Variants in PRKAG2 observed in about 807,000 individuals in gnomAD.
PRKAG2 encodes the protein 5'-AMP-activated protein kinase subunit gamma-2.
In PRKAG2, 26 loss-of-function variants were observed where a neutral mutation model predicts 69.6. The observed-to-expected ratio is 0.37, with a 90% CI of 0.27 to 0.52. The LOEUF (loss-of-function observed/expected upper bound fraction) is 0.52, where lower values mean the gene tolerates loss of function less well. Among genes scored for constraint, PRKAG2 ranks in the 20% least tolerant of loss-of-function variants. The probability of loss-of-function intolerance (pLI) is 0.90; values close to 1 mark genes in which losing one functional copy is unlikely to be tolerated. For missense variants in PRKAG2, 557 were observed against 740.0 expected (o/e 0.75, Z 2.87); for synonymous variants, 293 against 285.0 (o/e 1.03, Z -0.28).
intron 5 of PRKAG2, among the ~76,000 whole-genome samples, chr7:151,625,453 C>T (rs1047181361): frequency 1.3e-5 from 2 of 152,072 alleles, no homozygotes; most frequent in African/African-American, 4.8e-5. Flanking sequence ...GTGCGGACTC[C>T]TACAGGCAAA....
chr7:151,828,032 G>A lies in PRKAG2; in HGVS notation c.115-41491C>T, dbSNP rs2078947770. Among the ~76,000 whole-genome samples the A allele has an allele frequency of 6.6e-6, 1 of 152,216 alleles. No homozygotes were observed. The highest frequency in any genetic ancestry group is 1.9e-4 in the East Asian group (1 of 5,196). On this transcript the variant is annotated intron_variant, in intron 1 of 15. Transcript: ENST00000287878. This position sits in a 1 kb window ranked among gnomAD's most constrained non-coding sequence, Gnocchi z 4.6. ...ATTCAGGTCAACATGAGCCTGGGGT[G>A]TGATCTCACCTTGGAACAAAGGAGG...
intron 3 of PRKAG2, among the ~76,000 whole-genome samples, chr7:151,759,290 A>G (rs946720777): frequency 6.6e-6 from 1 of 152,112 alleles, no homozygotes; most frequent in Non-Finnish European, 1.5e-5. Context: ...AAATGTCTCC[A>G]TGTCAGAGGC....
At chr7:151,859,246 G>A (rs1026232531) in intron 1 of PRKAG2, among the ~76,000 whole-genome samples, 1 of 152,252 alleles carries the variant, frequency 6.6e-6, no homozygotes, top group Non-Finnish European at 1.5e-5. Flanking sequence ...ACACTCCGCG[G>A]GGAACGGCGT....
At chr7:151,563,090 G>A (rs1652030512) in intron 14 of PRKAG2, among the ~76,000 whole-genome samples, 1 of 152,122 alleles carries the variant, frequency 6.6e-6, no homozygotes. Context: ...CTTGTCATCT[G>A]CTGCTGAGTC....
At chr7:151,557,392 TCCCA>T in intron 15 of PRKAG2, 160 bp from the exon 16 acceptor site, 1 of 985,242 alleles carries the variant, frequency 1.0e-6, no homozygotes, top group Non-Finnish European at 1.2e-6. Flanking sequence ...AGCTCCCATC[TCCCA>T]CCCAATCGTT....
intron 11 of PRKAG2, 91 bp from the exon 12 acceptor site, chr7:151,565,976 C>G (rs1806163482): frequency 4.8e-6 from 7 of 1,446,478 alleles, no homozygotes; most frequent in Non-Finnish European, 3.9e-6. Flanking sequence ...GTATGTCCAA[C>G]AAATTAAAGT....
chr7:151,686,846 T>C (rs1319719877), intron 3 of PRKAG2, among the ~76,000 whole-genome samples: 1 of 152,228 alleles, frequency 6.6e-6, no homozygotes, highest in Non-Finnish European at 1.5e-5. Flanking sequence ...TCTTTTGTCA[T>C]TGAAACTGTT....
Position 151,638,411 on chromosome 7 carries a change from G to C in PRKAG2, c.685-6273C>G, listed in dbSNP as rs1050741691. 1.1e-4 allele frequency among the ~76,000 whole-genome samples: 16 copies of C among 152,136 alleles called. No individual in the cohort carries two copies. The highest frequency in any genetic ancestry group is 3.9e-4 in the African/African-American group (16 of 41,426). On this transcript the variant is annotated intron_variant, in intron 4 of 15. Transcript: ENST00000287878. The surrounding 1 kb of genome is among the most constrained non-coding windows in gnomAD (Gnocchi z 4.3). ...GCACTTTGGGAGGCCGAGGCGGGCG[G>C]ATCACAAGGTCAGGAGATCGAGACC... is the stretch of plus-strand genomic sequence containing the variant.
chr7:151,604,025 T>C (rs1332868110), intron 5 of PRKAG2, among the ~76,000 whole-genome samples: 1 of 152,174 alleles, frequency 6.6e-6, no homozygotes, highest in Non-Finnish European at 1.5e-5. Flanking sequence ...CTGTGGCTGA[T>C]GGACTGGTGG....
chr7:151,679,638 C>G (rs928985991), intron 3 of PRKAG2, among the ~76,000 whole-genome samples: 1 of 152,150 alleles, frequency 6.6e-6, no homozygotes, highest in African/African-American at 2.4e-5. Context: ...CTGTGACAGC[C>G]CTGCAGAGAA....
chr7:151,693,426 A>G (rs1046553409), intron 3 of PRKAG2, among the ~76,000 whole-genome samples: 1 of 152,130 alleles, frequency 6.6e-6, no homozygotes, highest in Admixed American at 6.5e-5. Context: ...TCCCTCCTCC[A>G]GGCCCATCAC....
chr7:151,807,382 A>G lies in PRKAG2; in HGVS notation c.115-20841T>C. 1 of 455,126 alleles carries G rather than the reference A, an allele frequency of 2.2e-6. No homozygotes were observed. The highest frequency in any genetic ancestry group is 4.5e-6 in the Non-Finnish European group (1 of 224,614). The allele number at this position is 455,126 out of a possible 1,614,324, so 28.2% of individuals were successfully genotyped here. On this transcript the variant is annotated intron_variant, in intron 1 of 15. Transcript: ENST00000287878. The surrounding 1 kb of genome is among the most constrained non-coding windows in gnomAD (Gnocchi z 4.4). Reference sequence around the variant, plus strand: ...TGCTTTTTCATGCAGCGGGAGTGGAATTTTCAGGAAGCAGCTGTGCTGTGG... The same window carrying G: ...TGCTTTTTCATGCAGCGGGAGTGGAGTTTTCAGGAAGCAGCTGTGCTGTGG...
At chr7:151,802,631 T>C (rs2077898413) in intron 1 of PRKAG2, among the ~76,000 whole-genome samples, 1 of 152,190 alleles carries the variant, frequency 6.6e-6, no homozygotes, top group Non-Finnish European at 1.5e-5. Context: ...CCAGGCTATC[T>C]GTGTGCCCAG....
chr7:151,584,073 C>T (rs1260401413), intron 6 of PRKAG2, among the ~76,000 whole-genome samples: 3 of 152,186 alleles, frequency 2.0e-5, no homozygotes, highest in Admixed American at 6.5e-5. Context: ...GAAATACGGT[C>T]GTCGAGACTC....
At chr7:151,707,425 C>T (rs916018508) in intron 3 of PRKAG2, among the ~76,000 whole-genome samples, 5 of 152,100 alleles carry the variant, frequency 3.3e-5, no homozygotes, top group Admixed American at 6.5e-5. Flanking sequence ...ATATAATGAC[C>T]GTTTAGTGAC....
chr7:151,782,354 AGGG>A (rs1366405501), intron 2 of PRKAG2, among the ~76,000 whole-genome samples: 23 of 26,004 alleles, frequency 8.8e-4, no homozygotes, highest in Non-Finnish European at 1.3e-3. Flanking sequence ...GGAGGGAGGG[AGGG>A]AGGGAGGGAG....
In PRKAG2 at chr7:151,709,970, C is replaced by T. The variant is rs1414696019; in HGVS notation, c.467-34333G>A. Among the ~76,000 whole-genome samples, 4 of 152,162 alleles carry T rather than the reference C, an allele frequency of 2.6e-5. No individual in the cohort carries two copies. The South Asian group carries it at 8.3e-4, about 32-fold the overall frequency. ...TGCCTGGGGGACTCAATGGCCACTT[C>T]GCCTTCCAGAGGGCTTTCAGGAGGA... is the stretch of plus-strand genomic sequence containing the variant. On this transcript the variant is annotated intron_variant, in intron 3 of 15. Coordinates refer to ENST00000287878, the MANE Select transcript of PRKAG2 (RefSeq NM_016203.4).
intron 3 of PRKAG2, among the ~76,000 whole-genome samples, chr7:151,728,848 C>T (rs528563300): frequency 1.3e-5 from 2 of 152,254 alleles, no homozygotes; most frequent in South Asian, 2.1e-4. Context: ...AGGCGATGCT[C>T]ACCTGTTCCT....
chr7:151,768,679 C>T (rs1370222814), intron 3 of PRKAG2, among the ~76,000 whole-genome samples: 1 of 152,210 alleles, frequency 6.6e-6, no homozygotes, highest in African/African-American at 2.4e-5. Flanking sequence ...GTTGGCCAGG[C>T]TGCTCTTGAA....
Sources: gnomAD v4.1 joint callset for allele counts (sites outside exome capture counted in the v4.1 genomes callset) on GRCh38, gnomAD v4.1.1 for gene constraint, Gnocchi (gnomAD v3.1) non-coding constraint, MANE v1.5 for transcripts, NCBI Gene and HGNC (gene_info 2026-07-23, HGNC 2026-07-21) for gene names.